Variants in MAP4 observed in about 807,000 individuals in gnomAD.
MAP4 encodes microtubule-associated protein 4.
In MAP4, 76 loss-of-function variants were observed where a neutral mutation model predicts 170.2. That is an observed-to-expected ratio of 0.45 (90% confidence interval 0.37 to 0.54). The LOEUF (loss-of-function observed/expected upper bound fraction) is 0.54. Ranked by LOEUF, MAP4 falls within the 20% of genes least tolerant of loss-of-function variation. The pLI is 0.00. For missense variants in MAP4, 2,506 were observed against 2,748.0 expected (o/e 0.91, Z 1.97); for synonymous variants, 909 against 994.5 (o/e 0.91, Z 1.62).
intron 1 of MAP4, among the ~76,000 whole-genome samples, chr3:48,029,801 C>T (rs1442391271): frequency 6.6e-6 from 1 of 151,250 alleles, no homozygotes; most frequent in East Asian, 2.0e-4. Context: ...GGATCAAGGC[C>T]ATTCTGGCTA....
intron 1 of MAP4, among the ~76,000 whole-genome samples, chr3:48,072,844 T>A (rs756453362): frequency 7.2e-5 from 11 of 152,200 alleles, no homozygotes; most frequent in Non-Finnish European, 1.3e-4. Flanking sequence ...GACTGCAGCA[T>A]CAATTGAACA....
intron 1 of MAP4, among the ~76,000 whole-genome samples, chr3:48,073,900 G>A (rs373474755): frequency 1.8e-4 from 27 of 152,270 alleles, no homozygotes; most frequent in African/African-American, 4.6e-4. Context: ...ACAGTGTGGC[G>A]ATTCCTCAAG....
At chr3:47,907,948 T>C (rs1178856010) in intron 9 of MAP4, among the ~76,000 whole-genome samples, 4 of 152,212 alleles carry the variant, frequency 2.6e-5, no homozygotes, top group East Asian at 1.9e-4. Flanking sequence ...TACTCATGCA[T>C]AGACAAGCTT....
intron 1 of MAP4, among the ~76,000 whole-genome samples, chr3:48,052,637 A>G (rs2100128544): frequency 6.6e-6 from 1 of 152,236 alleles, no homozygotes; most frequent in African/African-American, 2.4e-5. Flanking sequence ...TATAAATTGT[A>G]TCTCAATAGA....
intron 3 of MAP4, chr3:47,975,125 G>C: frequency 9.1e-7 from 1 of 1,094,772 alleles, no homozygotes; most frequent in Non-Finnish European, 1.1e-6. Flanking sequence ...ATGTGAGAAT[G>C]AATCAAATGA....
intron 1 of MAP4, among the ~76,000 whole-genome samples, chr3:48,007,115 T>C (rs375527997): frequency 6.6e-6 from 1 of 152,244 alleles, no homozygotes; most frequent in Non-Finnish European, 1.5e-5. Flanking sequence ...GTCCATTACA[T>C]TGATGACATT....
intron 1 of MAP4, among the ~76,000 whole-genome samples, chr3:48,074,726 G>GTGTGTGTGTGTGTGTT (rs1003251844): frequency 6.8e-6 from 1 of 147,558 alleles, no homozygotes; most frequent in Non-Finnish European, 1.5e-5. Context: ...GTGTGTGTGT[G>GTGTGTGTGTGTGTGTT]ATATGTCGGC....
At chr3:48,075,867 T>G (rs1384256423) in intron 1 of MAP4, among the ~76,000 whole-genome samples, 2 of 148,098 alleles carry the variant, frequency 1.4e-5, no homozygotes, top group Non-Finnish European at 3.0e-5. Context: ...CCCAGCTACT[T>G]GGGAGGCTGA....
chr3:48,053,572 C>T (rs1487065229), intron 1 of MAP4, among the ~76,000 whole-genome samples: 2 of 152,166 alleles, frequency 1.3e-5, no homozygotes, highest in East Asian at 1.9e-4. Context: ...AATACCTACC[C>T]AAATACCCAG....
Position 47,998,831 on chromosome 3 carries a change from T to A in MAP4, c.30A>T (p.Leu10Phe). 1 of 1,614,172 alleles carries A rather than the reference T, an allele frequency of 6.2e-7. No homozygotes were observed. Among genetic ancestry groups the A allele is most frequent in the Non-Finnish European group, 8.5e-7 (1 of 1,179,984 alleles). The change falls in exon 2 of 21, where the codon TTA becomes TTT. Residue 10 changes from leucine to phenylalanine, a missense_variant. Leu to Phe is a conservative substitution (Grantham distance 22, BLOSUM62 0). Transcript: ENST00000683076. MADLSLADALTEPSPDIEGE... is the reference protein window; with the variant it reads MADLSLADAFTEPSPDIEGE... Reference sequence around the variant, plus strand: ...CCTCAATGTCTGGAGATGGTTCTGTTAATGCATCTGCAAGACTGAGGTCAG... The same window carrying A: ...CCTCAATGTCTGGAGATGGTTCTGTAAATGCATCTGCAAGACTGAGGTCAG...
At chr3:48,075,242 AG>A (rs1234171337) in intron 1 of MAP4, among the ~76,000 whole-genome samples, 7 of 152,194 alleles carry the variant, frequency 4.6e-5, no homozygotes, top group Non-Finnish European at 8.8e-5. Flanking sequence ...TTGAAAGTCC[AG>A]GCCGGGCACG....
intron 12 of MAP4, among the ~76,000 whole-genome samples, chr3:47,872,897 C>T (rs1184735942): frequency 6.6e-6 from 1 of 152,174 alleles, no homozygotes; most frequent in East Asian, 1.9e-4. Context: ...TCAAATCGAG[C>T]CATTCTTTTG....
intron 3 of MAP4, among the ~76,000 whole-genome samples, chr3:47,941,274 C>T (rs2100056230): frequency 7.0e-6 from 1 of 143,208 alleles, no homozygotes; most frequent in African/African-American, 2.6e-5. Flanking sequence ...AAGAAACTAC[C>T]ATTTGTGAAG....
At chr3:48,070,011 T>C (rs1445118325) in intron 1 of MAP4, among the ~76,000 whole-genome samples, 1 of 152,126 alleles carries the variant, frequency 6.6e-6, no homozygotes, top group African/African-American at 2.4e-5. Context: ...TCTCACTCCA[T>C]TACCCAGGCT....
In MAP4 at chr3:48,062,711, T is replaced by C. The variant is rs528078085; in HGVS notation, c.-20+26062A>G. Among the ~76,000 whole-genome samples, 46 of 150,456 alleles carry C rather than the reference T, an allele frequency of 3.1e-4. 2 individuals are homozygous for C. The East Asian group carries it at 8.8e-3, about 29-fold the overall frequency. On this transcript the variant is annotated intron_variant, in intron 1 of 18. Coordinates refer to the MAP4 transcript ENST00000360240. ...GCTGAGGCGGGCAGATCACCTGAGG[T>C]TGGGAGTTCGAGACCAGCCTGACCA...
At chr3:47,867,890 G>C (rs113689144) in intron 16 of MAP4, among the ~76,000 whole-genome samples, 1,572 of 152,320 alleles carry the variant, frequency 0.01, 39 homozygotes, top group African/African-American at 0.035. Flanking sequence ...TAACAGGAAG[G>C]AGGGGCCAGT....
At position 47,906,062 on chromosome 3, in the gene MAP4, C is replaced by T. The variant is rs944646383; in HGVS notation, c.5383+2976G>A. Among the ~76,000 whole-genome samples the T allele has an allele frequency of 6.1e-4, 90 of 148,608 alleles. 1 individual carries two copies. The highest frequency in any genetic ancestry group is 1.1e-3 in the Non-Finnish European group (75 of 67,582). On this transcript the variant is annotated intron_variant, in intron 9 of 20. Transcript: ENST00000683076. ...TCTATGCCATGAAATAATTTTTCAC[C>T]GATTAGATCAGTACACATAACCAAA...
chr3:48,083,061 A>T (rs2100147381), intron 1 of MAP4, among the ~76,000 whole-genome samples: 1 of 152,186 alleles, frequency 6.6e-6, no homozygotes, highest in African/African-American at 2.4e-5. Context: ...GAAACTAAAG[A>T]ATTGTGACAT....
intron 10 of MAP4, chr3:47,891,506 G>GA: frequency 6.6e-7 from 1 of 1,515,822 alleles, no homozygotes; most frequent in Non-Finnish European, 8.8e-7. Context: ...CAGGCCAGAA[G>GA]AAGGCTCTTC....
Sources: gnomAD v4.1 joint callset for allele counts (sites outside exome capture counted in the v4.1 genomes callset) on GRCh38, gnomAD v4.1.1 for gene constraint, MANE v1.5 for transcripts, NCBI Gene and HGNC (gene_info 2026-07-23, HGNC 2026-07-21) for gene names.